Variants in NEDD9 observed in about 807,000 individuals in gnomAD.
NEDD9 encodes the protein enhancer of filamentation 1.
A neutral mutation model predicts 76.6 loss-of-function variants in NEDD9; 26 were observed. The observed-to-expected ratio is 0.34, with a 90% CI of 0.25 to 0.47. NEDD9 has a LOEUF of 0.47. Among genes scored for constraint, NEDD9 ranks in the 20% least tolerant of loss-of-function variants. The pLI is 1.00. For missense variants in NEDD9, 937 were observed against 1,058.5 expected, an observed-to-expected ratio of 0.89 and a Z score of 1.59; for synonymous variants, 392 against 414.2, an observed-to-expected ratio of 0.95 and a Z score of 0.65.
At chr6:11,191,527 C>T (rs994786929) in intron 4 of NEDD9, among the ~76,000 whole-genome samples, 1 of 152,134 alleles carries the variant, frequency 6.6e-6, no homozygotes, top group Non-Finnish European at 1.5e-5. Context: ...AGAGTAAGAC[C>T]AGAGTTCTCC....
At chr6:11,300,073 G>A (rs1207272129) in intron 3 of NEDD9, among the ~76,000 whole-genome samples, 1 of 152,314 alleles carries the variant, frequency 6.6e-6, no homozygotes, top group East Asian at 1.9e-4. Flanking sequence ...TGAGCTAAAG[G>A]AGCATGTTCT....
intron 3 of NEDD9, among the ~76,000 whole-genome samples, chr6:11,261,534 T>A (rs1199347983): frequency 3.3e-5 from 5 of 152,254 alleles, no homozygotes; most frequent in Admixed American, 6.5e-5. Flanking sequence ...CTTTGTCATG[T>A]GCAAGTCATT....
chr6:11,362,978 T>A lies in NEDD9; in HGVS notation c.-214+19161A>T, dbSNP rs546870747. On this transcript the variant is annotated intron_variant, in intron 1 of 3. Coordinates refer to the NEDD9 transcript ENST00000397378. ...CTTACTCTACAACCATATGGCAATC[T>A]GCATTGATGATGCATAATTTTTAAC... Among the ~76,000 whole-genome samples the A allele has an allele frequency of 2.6e-5, 4 of 152,388 alleles. No individual in the cohort carries two copies. In the East Asian group the frequency reaches 7.7e-4, roughly 29 times the overall value.
chr6:11,235,430 C>G (rs1175170115), upstream of NEDD9, among the ~76,000 whole-genome samples: 1 of 152,064 alleles, frequency 6.6e-6, no homozygotes, highest in Non-Finnish European at 1.5e-5. The surrounding 1 kb of genome is among the most constrained non-coding windows in gnomAD (Gnocchi z 4.1). Flanking sequence ...AGGTACCTTT[C>G]TAGGAGGGGA....
chr6:11,218,870 A>C (rs1759053765), intron 1 of NEDD9, among the ~76,000 whole-genome samples: 1 of 152,178 alleles, frequency 6.6e-6, no homozygotes. Context: ...AATGACGCAG[A>C]TCGGGAGCCT....
chr6:11,191,111 G>T lies in NEDD9; in HGVS notation c.758C>A (p.Pro253Gln), dbSNP rs200144366. The T allele has an allele frequency of 5.0e-6, 8 of 1,613,934 alleles. No individual in the cohort carries two copies. The Admixed American group carries it at 1.0e-4, about 20-fold the overall frequency. The change falls in exon 5 of 7, where the codon CCG becomes CAG. Residue 253 changes from proline to glutamine, a missense_variant. Coordinates refer to ENST00000379446, the MANE Select transcript of NEDD9 (RefSeq NM_006403.4). ...ATAAACCCCCTCCGGTCTGAGGTCC[G>T]GCCTTCCAGCTTGTCTCATGGGAGG... ...FPPPMRQAGR[P>Q]DLRPEGVYDI...
chr6:11,294,619 A>G (rs1760849733), intron 3 of NEDD9, among the ~76,000 whole-genome samples: 1 of 152,172 alleles, frequency 6.6e-6, no homozygotes, highest in Non-Finnish European at 1.5e-5. Flanking sequence ...TAAATTACCC[A>G]GTCTTAGGTA....
chr6:11,205,314 G>A (rs1273024538), intron 2 of NEDD9, among the ~76,000 whole-genome samples: 1 of 152,228 alleles, frequency 6.6e-6, no homozygotes, highest in Non-Finnish European at 1.5e-5. Flanking sequence ...CAAGGCTCAA[G>A]GCGCCTTGGG....
intron 3 of NEDD9, among the ~76,000 whole-genome samples, chr6:11,291,487 G>A (rs1760770574): frequency 6.6e-6 from 1 of 152,100 alleles, no homozygotes; most frequent in Admixed American, 6.5e-5. Flanking sequence ...TAGTAGCCAG[G>A]ATGGTCTTGA....
intron 3 of NEDD9, chr6:11,305,183 C>G: frequency 8.0e-7 from 1 of 1,252,958 alleles, no homozygotes; most frequent in Non-Finnish European, 1.0e-6. Context: ...AACAGTTGAT[C>G]GATCTCAATA....
chr6:11,212,280 C>T (rs1326566349), intron 2 of NEDD9, among the ~76,000 whole-genome samples: 1 of 152,166 alleles, frequency 6.6e-6, no homozygotes, highest in Non-Finnish European at 1.5e-5. Context: ...TGGAATTTGC[C>T]AGCAAATGAA....
intron 1 of NEDD9, among the ~76,000 whole-genome samples, chr6:11,366,023 C>T (rs1410738413): frequency 3.3e-5 from 5 of 151,800 alleles, no homozygotes; most frequent in East Asian, 3.9e-4. Context: ...TGGTGGCTCA[C>T]ACCTGTAATC....
At chr6:11,326,465 A>G (rs988491511) in intron 2 of NEDD9, among the ~76,000 whole-genome samples, 3 of 152,234 alleles carry the variant, frequency 2.0e-5, no homozygotes, top group African/African-American at 4.8e-5. Context: ...ACATTTTCTT[A>G]TGGGAAATAT....
intron 1 of NEDD9, among the ~76,000 whole-genome samples, chr6:11,225,277 C>T (rs1759276984): frequency 6.6e-6 from 1 of 152,136 alleles, no homozygotes; most frequent in Non-Finnish European, 1.5e-5. Context: ...TTTTTAGTAA[C>T]ATCATATAAC....
At chr6:11,356,388 G>T (rs1762576062) in intron 1 of NEDD9, among the ~76,000 whole-genome samples, 1 of 152,176 alleles carries the variant, frequency 6.6e-6, no homozygotes, top group Non-Finnish European at 1.5e-5. Context: ...CTTTGCAGGT[G>T]ACATACATAT....
At chr6:11,349,793 G>A (rs1762430409) in intron 1 of NEDD9, among the ~76,000 whole-genome samples, 1 of 152,176 alleles carries the variant, frequency 6.6e-6, no homozygotes, top group African/African-American at 2.4e-5. Context: ...AGAGGAGGGA[G>A]AGGAGCAGAA....
At position 11,213,028 on chromosome 6, in the gene NEDD9, T is replaced by C. The variant is rs894456795; in HGVS notation, c.459+253A>G. 6.6e-6 allele frequency among the ~76,000 whole-genome samples: 1 copy of C among 152,188 alleles called. No individual in the cohort carries two copies. The highest frequency in any genetic ancestry group is 1.5e-5 in the Non-Finnish European group (1 of 68,042). On this transcript the variant is annotated intron_variant, in intron 2 of 6. Coordinates refer to ENST00000379446, the MANE Select transcript of NEDD9 (RefSeq NM_006403.4). This position sits in a 1 kb window ranked among gnomAD's most constrained non-coding sequence, Gnocchi z 5.4. ...TGGAGAGAAACAGTTTAATAACCCATGTAACCCAGGATGACACAGGAACTT... is the reference window on the plus strand; with the variant it reads ...TGGAGAGAAACAGTTTAATAACCCACGTAACCCAGGATGACACAGGAACTT...
chr6:11,233,243 C>T, upstream of NEDD9: 1 of 518,962 alleles, frequency 1.9e-6, no homozygotes, highest in Non-Finnish European at 3.8e-6. Flanking sequence ...GTTCAAAGTA[C>T]TTTGCGATGT....
intron 3 of NEDD9, among the ~76,000 whole-genome samples, chr6:11,274,369 G>A (rs1233647163): frequency 6.6e-6 from 1 of 152,120 alleles, no homozygotes; most frequent in Non-Finnish European, 1.5e-5. Context: ...TCACTCACCT[G>A]GCCCTCAGTG....
Sources: gnomAD v4.1 joint callset for allele counts (sites outside exome capture counted in the v4.1 genomes callset) on GRCh38, gnomAD v4.1.1 for gene constraint, Gnocchi (gnomAD v3.1) non-coding constraint, MANE v1.5 for transcripts, NCBI Gene and HGNC (gene_info 2026-07-23, HGNC 2026-07-21) for gene names.